PDS5A: variants seen among roughly 807,000 people sequenced by gnomAD.
PDS5A encodes the protein PDS5 cohesin associated factor A.
PDS5A carries 42 observed loss-of-function variants against 167.1 expected under a neutral mutation model. The ratio of observed to expected loss-of-function variants is 0.25; its 90% CI spans 0.20 to 0.33. The LOEUF (loss-of-function observed/expected upper bound fraction) is 0.33, where lower values mean the gene tolerates loss of function less well. Ranked by LOEUF, PDS5A falls within the 10% of genes least tolerant of loss-of-function variation. The pLI, the probability that PDS5A is intolerant of heterozygous loss-of-function variation, is 1.00. For missense variants in PDS5A, 1,033 were observed against 1,605.9 expected, an observed-to-expected ratio of 0.64 and a Z score of 6.10; for synonymous variants, 553 against 554.6, an observed-to-expected ratio of 1.00 and a Z score of 0.04.
In PDS5A at chr4:39,973,727, T is replaced by C. The variant is rs1390175350; in HGVS notation, c.138+2713A>G. The C allele has an allele frequency of 5.5e-6, 7 of 1,283,960 alleles. No individual in the cohort carries two copies. In the Admixed American group the frequency reaches 6.7e-5, roughly 12 times the overall value. 79.5% of individuals were successfully genotyped at this position (1,283,960 alleles called of 1,614,324 possible). A position where few individuals can be genotyped will look rare whatever the true frequency, so the allele number is the denominator to read the frequency against. The stretch of plus-strand genomic sequence containing the variant: ...CAGGCTCACTTCACTAACCAGCATA[T>C]GCAGAGAATGGCAAGTGTACGAGCT... On this transcript the variant is annotated intron_variant, in intron 2 of 32. Coordinates refer to ENST00000303538, the MANE Select transcript of PDS5A (RefSeq NM_001100399.2).
intron 2 of PDS5A, chr4:39,973,368 A>T (rs1578859279): frequency 6.2e-7 from 1 of 1,604,056 alleles, no homozygotes; most frequent in African/African-American, 1.3e-5. Context: ...GTGCATTAAG[A>T]TGTTGCTGAG....
Position 39,961,392 on chromosome 4 carries a change from T to C in PDS5A, c.138+15048A>G, listed in dbSNP as rs192410338. 3.2e-3 allele frequency among the ~76,000 whole-genome samples: 480 copies of C among 152,208 alleles called. 3 individuals are homozygous for C. Among genetic ancestry groups the C allele is most frequent in the African/African-American group, 0.011 (465 of 41,570 alleles). ...CGGCTCACTGTCTCAGCCTCCTCAG[T>C]AGCTGGGAGGCGCCCGCCACCATGC... On this transcript the variant is annotated intron_variant, in intron 2 of 32. Transcript: ENST00000303538.
In PDS5A at chr4:39,843,756, CTTAT is replaced by C. The variant is rs202053425; in HGVS notation, c.3548+896_3548+899del. Among the ~76,000 whole-genome samples the C allele has an allele frequency of 9.1e-4, 139 of 151,992 alleles. 1 individual carries two copies. The East Asian group carries it at 0.022, about 24-fold the overall frequency. ...ATATAAATTGGTTGTATTATTAACT[CTTAT>C]ATTATTTTCTGTTAATTTTTCTATA... On this transcript the variant is annotated intron_variant, in intron 30 of 32. Transcript: ENST00000303538.
At chr4:39,893,692 C>T (rs1194247346) in intron 16 of PDS5A, among the ~76,000 whole-genome samples, 2 of 152,154 alleles carry the variant, frequency 1.3e-5, no homozygotes, top group Non-Finnish European at 2.9e-5. Flanking sequence ...AGGACAAACT[C>T]ATAAAGGTAC....
intron 2 of PDS5A, chr4:39,973,876 A>T (rs1293042210): frequency 1.3e-6 from 1 of 780,274 alleles, no homozygotes; most frequent in Admixed American, 1.8e-5. Context: ...CTGTAATCCC[A>T]GCACTTTGGG....
intron 7 of PDS5A, among the ~76,000 whole-genome samples, chr4:39,919,616 G>C (rs963025931): frequency 6.6e-6 from 1 of 152,156 alleles, no homozygotes; most frequent in Non-Finnish European, 1.5e-5. Context: ...CTGCACTCCA[G>C]CTTCAGAGAC....
intron 2 of PDS5A, among the ~76,000 whole-genome samples, chr4:39,967,540 A>C (rs1730094942): frequency 6.6e-6 from 1 of 151,776 alleles, no homozygotes; most frequent in African/African-American, 2.4e-5. Context: ...CCAGCTACTC[A>C]GGAGGCTGAG....
At chr4:39,843,776 T>C (rs1366511128) in intron 30 of PDS5A, among the ~76,000 whole-genome samples, 1 of 152,186 alleles carries the variant, frequency 6.6e-6, no homozygotes, top group African/African-American at 2.4e-5. Context: ...TTTCTGTTAA[T>C]TTTTCTATAC....
chr4:39,879,617 A>G, intron 18 of PDS5A, 111 bp downstream of exon 18: 1 of 576,754 alleles, frequency 1.7e-6, no homozygotes, highest in East Asian at 2.7e-5. Flanking sequence ...CACAAGTTTT[A>G]AATCTTTCAA....
intron 2 of PDS5A, among the ~76,000 whole-genome samples, chr4:39,953,421 AG>A (rs1229246520): frequency 7.4e-6 from 1 of 136,048 alleles, no homozygotes. Context: ...GTGAAGAATC[AG>A]TTTTTTTTTT....
rs763310762 is a variant in PDS5A at position 39,838,051 on chromosome 4, C to T, written c.3815G>A (p.Arg1272His). ...GCCCTGAGATTCAGACTTGGGTCGA[C>T]GTCCTCTCCTGGGTTTGGAAGGGGC... ...PPAPSKPRRG[R>H]RPKSESQGNA... The change falls in exon 32 of 33, where the codon CGT (arginine) becomes CAT (histidine). Residue 1272 changes from arginine to histidine, a missense_variant. Transcript: ENST00000303538. The T allele has an allele frequency of 7.3e-5, 118 of 1,613,862 alleles. No individual in the cohort carries two copies. Among genetic ancestry groups the T allele is most frequent in the Non-Finnish European group, 9.7e-5 (114 of 1,179,904 alleles).
chr4:39,872,791 T>A, intron 21 of PDS5A, 195 bp downstream of exon 21: 1 of 362,876 alleles, frequency 2.8e-6, no homozygotes, highest in Non-Finnish European at 4.9e-6. Context: ...GTTTCTTAAG[T>A]GTGAAATTCT....
chr4:39,907,163 G>A (rs1235331602), intron 11 of PDS5A, among the ~76,000 whole-genome samples: 2 of 151,996 alleles, frequency 1.3e-5, no homozygotes, highest in East Asian at 3.8e-4. Context: ...GGGGAAGGGA[G>A]GAATGCCAAA....
chr4:39,911,333 T>C (rs1723862757), intron 9 of PDS5A, among the ~76,000 whole-genome samples: 1 of 150,776 alleles, frequency 6.6e-6, no homozygotes, highest in South Asian at 2.1e-4. Context: ...CAGGCAGAGG[T>C]TGCAGTGAGC....
intron 22 of PDS5A, among the ~76,000 whole-genome samples, chr4:39,868,036 T>C (rs1314162882): frequency 6.6e-6 from 1 of 152,034 alleles, no homozygotes; most frequent in African/African-American, 2.4e-5. Context: ...CCTGGAAAAA[T>C]GAACTGATAG....
chr4:39,856,209 A>C (rs1718510294), intron 26 of PDS5A, among the ~76,000 whole-genome samples: 1 of 152,202 alleles, frequency 6.6e-6, no homozygotes, highest in South Asian at 2.1e-4. Context: ...AAAAAAACAA[A>C]AAACAAAAAA....
In PDS5A at chr4:39,889,936, C is replaced by CA. The variant is rs1721817806; in HGVS notation, c.1886+312dup. 2.6e-5 allele frequency among the ~76,000 whole-genome samples: 4 copies of CA among 152,310 alleles called. No individual in the cohort carries two copies. In the South Asian group the frequency reaches 8.3e-4, roughly 32 times the overall value. On this transcript the variant is annotated intron_variant, in intron 17 of 32. Coordinates refer to ENST00000303538, the MANE Select transcript of PDS5A (RefSeq NM_001100399.2). Reference sequence around the variant, plus strand: ...GGCCATTAAAATGCTTAAGAAAACTCAGAGGTTGGTCAACAGCCACACAGA... The same window carrying CA: ...GGCCATTAAAATGCTTAAGAAAACTCAAGAGGTTGGTCAACAGCCACACAGA...
intron 2 of PDS5A, among the ~76,000 whole-genome samples, chr4:39,943,867 A>T (rs750185117): frequency 2.5e-4 from 38 of 151,958 alleles, no homozygotes; most frequent in South Asian, 1.0e-3. Flanking sequence ...CCATTTAACA[A>T]GCACATACTA....
chr4:39,846,611 T>C (rs1443740173), intron 28 of PDS5A: 1 of 152,250 alleles, frequency 6.6e-6, no homozygotes, highest in Non-Finnish European at 1.5e-5. Context: ...GATAGCACTT[T>C]GAGAGTTATA....
Sources: gnomAD v4.1 joint callset for allele counts (sites outside exome capture counted in the v4.1 genomes callset) on GRCh38, gnomAD v4.1.1 for gene constraint, MANE v1.5 for transcripts, NCBI Gene and HGNC (gene_info 2026-07-23, HGNC 2026-07-21) for gene names.